Variants in PPARGC1A observed in about 807,000 individuals in gnomAD.
PPARGC1A encodes the protein PPARG coactivator 1 alpha.
Under a neutral mutation model 88.7 loss-of-function variants are expected in PPARGC1A, and 25 were observed. The ratio of observed to expected loss-of-function variants is 0.28; its 90% CI spans 0.21 to 0.39. The LOEUF (loss-of-function observed/expected upper bound fraction) is 0.39, where lower values mean the gene tolerates loss of function less well. Among genes scored for constraint, PPARGC1A ranks in the 10% least tolerant of loss-of-function variants. The pLI is 1.00. For synonymous variants in PPARGC1A, 363 were observed against 355.6 expected, an observed-to-expected ratio of 1.02 and a Z score of -0.24; for missense variants, 880 against 968.7, an observed-to-expected ratio of 0.91 and a Z score of 1.22.
the PPARGC1A span, among the ~76,000 whole-genome samples, chr4:23,957,965 G>A: frequency 2.1e-3 from 319 of 152,176 alleles, 2 homozygotes; most frequent in Middle Eastern, 6.8e-3. Context: ...CCTGAAAATT[G>A]TAGTTTTGCA....
chr4:24,114,802 A>G, the PPARGC1A span, among the ~76,000 whole-genome samples: 3 of 152,190 alleles, frequency 2.0e-5, no homozygotes, highest in African/African-American at 4.8e-5. Context: ...CTGAGGTGAA[A>G]CAAGTTATAA....
At chr4:24,024,835 A>G in the PPARGC1A span, among the ~76,000 whole-genome samples, 6 of 152,190 alleles carry the variant, frequency 3.9e-5, no homozygotes, top group Non-Finnish European at 7.3e-5. Context: ...GTTGTGTAAT[A>G]TTTATCTAAC....
chr4:23,947,761 T>C, the PPARGC1A span, among the ~76,000 whole-genome samples: 1 of 152,088 alleles, frequency 6.6e-6, no homozygotes, highest in African/African-American at 2.4e-5. Flanking sequence ...CATTGCACCC[T>C]AGGCATGTGG....
chr4:23,890,223 A>C (rs1717623822), upstream of PPARGC1A: 1 of 490,846 alleles, frequency 2.0e-6, no homozygotes, highest in Non-Finnish European at 3.1e-6. Context: ...GCTTTAAAAA[A>C]AAAAAAAAAG....
At chr4:23,802,150 TC>T in intron 11 of PPARGC1A, 73 bp downstream of exon 11, 1 of 1,595,906 alleles carries the variant, frequency 6.3e-7, no homozygotes, top group South Asian at 1.1e-5. Flanking sequence ...GCAACTCCCA[TC>T]CCAGTAATCT....
the PPARGC1A span, among the ~76,000 whole-genome samples, chr4:24,185,303 T>C: frequency 6.6e-6 from 1 of 152,128 alleles, no homozygotes; most frequent in Non-Finnish European, 1.5e-5. Flanking sequence ...AATTCTCAAG[T>C]CATATACCTG....
At chr4:23,929,223 G>A in the PPARGC1A span, among the ~76,000 whole-genome samples, 2 of 152,138 alleles carry the variant, frequency 1.3e-5, no homozygotes, top group East Asian at 1.9e-4. Flanking sequence ...AACCCAGGGA[G>A]GTACATAGAA....
chr4:23,906,726 T>G (rs1018645231), upstream of PPARGC1A, among the ~76,000 whole-genome samples: 1 of 152,040 alleles, frequency 6.6e-6, no homozygotes, highest in Non-Finnish European at 1.5e-5. Context: ...TAACTTTGCC[T>G]CTTAGCATCA....
chr4:24,401,744 A>T, the PPARGC1A span, among the ~76,000 whole-genome samples: 6 of 152,196 alleles, frequency 3.9e-5, no homozygotes, highest in Non-Finnish European at 8.8e-5. Context: ...TAATCTCTCT[A>T]TGCCTCAATT....
the PPARGC1A span, among the ~76,000 whole-genome samples, chr4:24,189,621 T>G: frequency 1.3e-5 from 2 of 152,130 alleles, no homozygotes; most frequent in African/African-American, 2.4e-5. Flanking sequence ...TTACATTCCT[T>G]GTATCACTTC....
the PPARGC1A span, among the ~76,000 whole-genome samples, chr4:24,166,716 A>G: frequency 6.6e-6 from 1 of 152,348 alleles, no homozygotes; most frequent in Non-Finnish European, 1.5e-5. Flanking sequence ...TAAATGGAAC[A>G]ACAAAGCCTG....
At chr4:24,395,295 T>C in the PPARGC1A span, among the ~76,000 whole-genome samples, 2 of 152,252 alleles carry the variant, frequency 1.3e-5, no homozygotes, top group African/African-American at 2.4e-5. Flanking sequence ...TCAGTGGTAA[T>C]ACAGTTAGTA....
the PPARGC1A span, among the ~76,000 whole-genome samples, chr4:24,065,504 G>A: frequency 1.3e-5 from 2 of 152,116 alleles, no homozygotes; most frequent in African/African-American, 2.4e-5. Context: ...AGAAAAACAG[G>A]TGCTTTTCAT....
Position 23,814,121 on chromosome 4 carries a change from T to C in PPARGC1A, c.1362A>G (p.Gln454=), listed in dbSNP as rs746743941. 1.9e-6 allele frequency: 3 copies of C among 1,613,986 alleles called. No individual in the cohort carries two copies. The Admixed American group carries it at 5.0e-5, about 27-fold the overall frequency. ...TCAGCTCGGCTCGGATTTCCTGGTCTTGGAGCTGTTTTCTTGTGCTGCAAG... is the reference window on the plus strand; with the variant it reads ...TCAGCTCGGCTCGGATTTCCTGGTCCTGGAGCTGTTTTCTTGTGCTGCAAG... ...VSPCSTRKQL[Q]DQEIRAELNK... is the part of the protein sequence containing the mutation. The change falls in exon 8 of 13, where the codon CAA becomes CAG. Residue 454 remains glutamine (Q), a synonymous_variant. Transcript: ENST00000264867.
chr4:24,371,914 G>A, the PPARGC1A span, among the ~76,000 whole-genome samples: 2 of 151,784 alleles, frequency 1.3e-5, no homozygotes, highest in Non-Finnish European at 2.9e-5. Flanking sequence ...TCATGCCACT[G>A]CACTCCAGCC....
At chr4:24,206,456 C>T in the PPARGC1A span, among the ~76,000 whole-genome samples, 2 of 152,124 alleles carry the variant, frequency 1.3e-5, no homozygotes, top group African/African-American at 4.8e-5. Context: ...AATCAGGATA[C>T]AATAATATTT....
intron 7 of PPARGC1A, among the ~76,000 whole-genome samples, chr4:23,816,715 T>G (rs1722060772): frequency 6.6e-6 from 1 of 152,174 alleles, no homozygotes; most frequent in African/African-American, 2.4e-5. Context: ...CCGTAAATCT[T>G]TGCATGATCA....
At chr4:23,847,570 C>T (rs1728537247) in intron 2 of PPARGC1A, among the ~76,000 whole-genome samples, 1 of 152,230 alleles carries the variant, frequency 6.6e-6, no homozygotes, top group South Asian at 2.1e-4. Context: ...AGAGTTACCT[C>T]TGACCATAGG....
chr4:23,890,100 G>T, upstream of PPARGC1A: 1 of 1,374,970 alleles, frequency 7.3e-7, no homozygotes, highest in East Asian at 2.6e-5. Flanking sequence ...ACATGACAAA[G>T]CTATTAAAAA....
Sources: allele counts gnomAD v4.1 joint callset (sites outside exome capture counted in the v4.1 genomes callset), GRCh38; gene constraint gnomAD v4.1.1; transcripts MANE v1.5; gene names NCBI Gene and HGNC (gene_info 2026-07-23, HGNC 2026-07-21).